The following SMYD3 variants were observed in gnomAD, a reference collection of about 807,000 sequenced individuals.
The protein encoded by SMYD3 is histone-lysine N-methyltransferase SMYD3.
In SMYD3, 36 loss-of-function variants were observed where a neutral mutation model predicts 57.7. The observed-to-expected ratio is 0.62, with a 90% CI of 0.48 to 0.82. SMYD3 has a LOEUF of 0.82. SMYD3 is among the 40% of genes least tolerant of loss of function. The probability of loss-of-function intolerance (pLI) is 0.00; values close to 1 mark genes in which losing one functional copy is unlikely to be tolerated. For missense variants in SMYD3, 515 were observed against 538.8 expected (o/e 0.96, Z 0.44); for synonymous variants, 211 against 195.0 (o/e 1.08, Z -0.68).
intron 5 of SMYD3, among the ~76,000 whole-genome samples, chr1:246,153,117 G>A (rs938183354): frequency 2.0e-5 from 3 of 152,112 alleles, no homozygotes; most frequent in Non-Finnish European, 2.9e-5. Context: ...CAAGCACCAA[G>A]CCTCTGCGTG....
intron 5 of SMYD3, chr1:246,053,212 A>T (rs902222158): frequency 1.3e-4 from 20 of 152,148 alleles, no homozygotes; most frequent in Admixed American, 8.5e-4. Flanking sequence ...AATTTTTTTA[A>T]AAAAAGGGAC....
chr1:246,100,413 G>C (rs2060988573), intron 5 of SMYD3, among the ~76,000 whole-genome samples: 1 of 152,166 alleles, frequency 6.6e-6, no homozygotes, highest in Non-Finnish European at 1.5e-5. Context: ...GTCACTCCAA[G>C]GCCTGTGGAC....
intron 5 of SMYD3, among the ~76,000 whole-genome samples, chr1:246,042,074 C>A (rs775566185): frequency 3.3e-5 from 5 of 152,122 alleles, no homozygotes; most frequent in South Asian, 2.1e-4. Context: ...GAGGATGGGA[C>A]CCCAAGTCCA....
chr1:246,506,544 AC>A (rs1458297781), intron 1 of SMYD3, among the ~76,000 whole-genome samples: 1 of 151,966 alleles, frequency 6.6e-6, no homozygotes, highest in Non-Finnish European at 1.5e-5. Context: ...CACAACCCAG[AC>A]CACAGAGGTG....
intron 8 of SMYD3, among the ~76,000 whole-genome samples, chr1:245,879,730 A>C (rs563083319): frequency 6.6e-6 from 1 of 152,314 alleles, no homozygotes; most frequent in South Asian, 2.1e-4. Context: ...TTCTTACTCC[A>C]CTCTGAAGAA....
At chr1:246,453,424 C>T (rs781112414) in intron 1 of SMYD3, among the ~76,000 whole-genome samples, 2 of 152,052 alleles carry the variant, frequency 1.3e-5, no homozygotes, top group Non-Finnish European at 2.9e-5. Flanking sequence ...CATAAAACTA[C>T]GATGCTTCTA....
intron 8 of SMYD3, among the ~76,000 whole-genome samples, chr1:245,897,963 C>T (rs566684068): frequency 2.6e-5 from 4 of 152,162 alleles, no homozygotes; most frequent in South Asian, 4.2e-4. Flanking sequence ...TGATTTCACT[C>T]GCTGTGGAAG....
chr1:246,229,300 T>TA (rs2063374829), intron 5 of SMYD3, among the ~76,000 whole-genome samples: 1 of 151,934 alleles, frequency 6.6e-6, no homozygotes, highest in East Asian at 1.9e-4. Flanking sequence ...CTTACTAATT[T>TA]TAAAAAAAAG....
At chr1:245,894,627 CTT>C (rs1287261963) in intron 8 of SMYD3, among the ~76,000 whole-genome samples, 1 of 152,150 alleles carries the variant, frequency 6.6e-6, no homozygotes, top group Non-Finnish European at 1.5e-5. Context: ...CCCCCATAAG[CTT>C]TAGCAGGTAT....
At chr1:246,371,218 T>C (rs2066187128) in intron 1 of SMYD3, among the ~76,000 whole-genome samples, 1 of 152,226 alleles carries the variant, frequency 6.6e-6, no homozygotes, top group Non-Finnish European at 1.5e-5. Flanking sequence ...ATACACTGCC[T>C]GTTGTAAGTC....
chr1:245,814,219 G>A, intron 10 of SMYD3: 1 of 220,832 alleles, frequency 4.5e-6, no homozygotes, highest in Non-Finnish European at 7.6e-6. Flanking sequence ...CTGAGGACAA[G>A]GACCTGCATT....
At chr1:245,757,460 T>C (rs910815478) in intron 11 of SMYD3, among the ~76,000 whole-genome samples, 6 of 152,108 alleles carry the variant, frequency 3.9e-5, no homozygotes, top group Admixed American at 2.0e-4. Context: ...TTTCTTTTGT[T>C]GCCTGTAGCT....
At chr1:245,998,755 A>G (rs186281459) in intron 5 of SMYD3, among the ~76,000 whole-genome samples, 2 of 152,340 alleles carry the variant, frequency 1.3e-5, no homozygotes, top group Admixed American at 1.3e-4. Flanking sequence ...GAAACATCCC[A>G]AGGGTCCGTC....
intron 1 of SMYD3, among the ~76,000 whole-genome samples, chr1:246,449,308 G>A (rs74408285): frequency 0.21 from 31,680 of 152,138 alleles, 3,508 homozygotes; most frequent in Middle Eastern, 0.29. Flanking sequence ...AATAGATGGT[G>A]GTGGATTCCC....
intron 10 of SMYD3, among the ~76,000 whole-genome samples, chr1:245,772,501 A>C (rs1306533353): frequency 2.0e-5 from 3 of 152,134 alleles, no homozygotes; most frequent in East Asian, 1.9e-4. Flanking sequence ...GGAAAAAAAA[A>C]CAATTTAACT....
intron 5 of SMYD3, among the ~76,000 whole-genome samples, chr1:246,143,763 T>C (rs2061799797): frequency 6.6e-6 from 1 of 152,196 alleles, no homozygotes; most frequent in African/African-American, 2.4e-5. Flanking sequence ...TATTCATGCT[T>C]TGGGATCCCA....
At chr1:245,817,107 C>G (rs545743622) in intron 10 of SMYD3, among the ~76,000 whole-genome samples, 1 of 151,410 alleles carries the variant, frequency 6.6e-6, no homozygotes, top group Non-Finnish European at 1.5e-5. Context: ...CACAGACAAA[C>G]AAAAACACAG....
At chr1:246,062,029 A>G (rs1222963552) in intron 5 of SMYD3, among the ~76,000 whole-genome samples, 1 of 152,228 alleles carries the variant, frequency 6.6e-6, no homozygotes, top group Admixed American at 6.5e-5. Flanking sequence ...TATTTGGCTG[A>G]TATTTCCTTA....
intron 5 of SMYD3, among the ~76,000 whole-genome samples, chr1:246,129,782 T>C (rs1305359706): frequency 6.6e-6 from 1 of 151,946 alleles, no homozygotes; most frequent in Non-Finnish European, 1.5e-5. Flanking sequence ...TTCTTTCTCT[T>C]TTTTTTTAAA....
Sources: gnomAD v4.1 joint callset for allele counts (sites outside exome capture counted in the v4.1 genomes callset) on GRCh38, gnomAD v4.1.1 for gene constraint, MANE v1.5 for transcripts, NCBI Gene and HGNC (gene_info 2026-07-23, HGNC 2026-07-21) for gene names.